CSNK2A1: variants seen among roughly 807,000 people sequenced by gnomAD.
CSNK2A1 encodes casein kinase 2 alpha 1, also known as casein kinase II subunit alpha.
Under a neutral mutation model 62.9 loss-of-function variants are expected in CSNK2A1, and 10 were observed. The ratio of observed to expected loss-of-function variants is 0.16; its 90% CI spans 0.10 to 0.27. CSNK2A1 has a LOEUF of 0.27. Among genes scored for constraint, CSNK2A1 ranks in the 10% least tolerant of loss-of-function variants. CSNK2A1 has a pLI of 1.00. For missense variants in CSNK2A1, 160 were observed against 492.0 expected (o/e 0.33, Z 6.38); for synonymous variants, 124 against 167.8 (o/e 0.74, Z 2.02).
intron 2 of CSNK2A1, among the ~76,000 whole-genome samples, chr20:513,662 GTCT>G (rs779143963): frequency 2.0e-5 from 3 of 152,176 alleles, no homozygotes; most frequent in Admixed American, 2.0e-4. Flanking sequence ...TCATCACCCA[GTCT>G]TCTTCTGCTG....
rs1454773236 is a variant in CSNK2A1, at chr20:481,375, C to G, written c.*2586G>C. ...TGTTGGCCATTCCATTTCCTGCCAT[C>G]TAAGCAATGCAGACACAGGTAGTGC... On this transcript the variant is annotated 3_prime_UTR_variant, in exon 14 of 14. Transcript: ENST00000217244. 6.6e-6 allele frequency: 1 copy of G among 152,052 alleles called. No individual in the cohort carries two copies. The highest frequency in any genetic ancestry group is 1.5e-5 in the Non-Finnish European group (1 of 68,012). 9.4% of individuals were successfully genotyped at this position (152,052 alleles called of 1,614,324 possible).
rs1313060928 is a variant in CSNK2A1 at position 483,762 on chromosome 20, C to G, written c.*199G>C. ...GGAATCCCCTGAGTTATGAAAAGTT[C>G]GAGTTAAAAAAAAAAAGAAAAAAGA... On this transcript the variant is annotated 3_prime_UTR_variant, in exon 14 of 14. Transcript: ENST00000217244. 1 of 373,802 alleles carries G rather than the reference C, an allele frequency of 2.7e-6. No homozygotes were observed. The highest frequency in any genetic ancestry group is 4.6e-6 in the Non-Finnish European group (1 of 216,578). The allele number at this position is 373,802 out of a possible 1,614,324, so 23.2% of individuals were successfully genotyped here. A position where few individuals can be genotyped will look rare whatever the true frequency, so the allele number is the denominator to read the frequency against.
chr20:521,107 A>G (rs2018936289), intron 2 of CSNK2A1, among the ~76,000 whole-genome samples: 1 of 152,246 alleles, frequency 6.6e-6, no homozygotes, highest in African/African-American at 2.4e-5. Context: ...TCAACGTTAA[A>G]ATATTTCTGC....
At chr20:543,640 C>T (rs574331030) in intron 1 of CSNK2A1, 32 bp downstream of exon 1, 54 of 397,818 alleles carry the variant, frequency 1.4e-4, no homozygotes, top group African/African-American at 1.1e-3. Flanking sequence ...ACCCCACCCG[C>T]CAACGACCTC....
chr20:528,441 T>C (rs1016950285), intron 1 of CSNK2A1, among the ~76,000 whole-genome samples: 8 of 152,186 alleles, frequency 5.3e-5, no homozygotes, highest in African/African-American at 1.9e-4. Flanking sequence ...TTGGGATTTA[T>C]CATTTTTGTG....
intron 2 of CSNK2A1, among the ~76,000 whole-genome samples, chr20:521,458 C>T (rs2018944169): frequency 6.6e-6 from 1 of 152,062 alleles, no homozygotes; most frequent in Admixed American, 6.6e-5. Flanking sequence ...TAATACATTC[C>T]TGGTAGGAAT....
chr20:497,988 A>G (rs1187641878), intron 6 of CSNK2A1: 1 of 495,200 alleles, frequency 2.0e-6, no homozygotes, highest in Non-Finnish European at 3.6e-6. Context: ...TTACTTAAAC[A>G]TATATTGCGG....
intron 4 of CSNK2A1, chr20:501,022 T>C (rs1029402085): frequency 6.6e-6 from 1 of 151,892 alleles, no homozygotes; most frequent in Admixed American, 6.6e-5. Flanking sequence ...TCCTTTTCAT[T>C]TTTTTCTGAG....
chr20:534,260 C>T (rs1056130496), intron 1 of CSNK2A1, among the ~76,000 whole-genome samples: 5 of 152,170 alleles, frequency 3.3e-5, no homozygotes, highest in Admixed American at 3.3e-4. Context: ...AAATTTAATA[C>T]TATTTCCTTA....
intron 2 of CSNK2A1, among the ~76,000 whole-genome samples, chr20:524,164 C>G (rs2019015622): frequency 6.6e-6 from 1 of 151,764 alleles, no homozygotes; most frequent in African/African-American, 2.4e-5. Flanking sequence ...CTGCTCACGC[C>G]TGTAATCCCA....
intron 1 of CSNK2A1, among the ~76,000 whole-genome samples, chr20:535,310 T>C (rs992345363): frequency 1.3e-5 from 2 of 152,348 alleles, no homozygotes; most frequent in South Asian, 2.1e-4. Flanking sequence ...AGCATTTTAT[T>C]TGACATTGAT....
At chr20:488,955 T>A in intron 10 of CSNK2A1, 177 bp from the exon 11 acceptor site, 1 of 519,254 alleles carries the variant, frequency 1.9e-6, no homozygotes, top group Non-Finnish European at 3.3e-6. Context: ...AACTACTTTA[T>A]AAACTGGTTT....
chr20:537,529 G>A (rs905757675), intron 1 of CSNK2A1, among the ~76,000 whole-genome samples: 12 of 151,806 alleles, frequency 7.9e-5, no homozygotes, highest in Admixed American at 3.9e-4. Context: ...AGCACTCAAC[G>A]TAAGAAAACT....
rs1223703624 is a variant in CSNK2A1, at chr20:474,222, GT to G, written c.*9738del. On this transcript the variant is annotated 3_prime_UTR_variant, in exon 14 of 14. Transcript: ENST00000217244. ...GTCACACACCACCACACTAGTTAAT[GT>G]TTTCATTTTTTGTAGAACAGAGGAC... The G allele has an allele frequency of 6.6e-6, 1 of 152,156 alleles. No homozygotes were observed. Among genetic ancestry groups the G allele is most frequent in the African/African-American group, 2.4e-5 (1 of 41,438 alleles). 9.4% of individuals were successfully genotyped at this position (152,156 alleles called of 1,614,324 possible).
At chr20:511,320 A>G (rs1374385273) in intron 2 of CSNK2A1, among the ~76,000 whole-genome samples, 1 of 152,120 alleles carries the variant, frequency 6.6e-6, no homozygotes, top group East Asian at 1.9e-4. Flanking sequence ...AGCCTGGGTG[A>G]CAGGAGAGAG....
chr20:477,950 G>A lies in CSNK2A1; in HGVS notation c.*6011C>T, dbSNP rs2017880991. 1 of 152,102 alleles carries A rather than the reference G, an allele frequency of 6.6e-6. No homozygotes were observed. The highest frequency in any genetic ancestry group is 2.4e-5 in the African/African-American group (1 of 41,402). The allele number at this position is 152,102 out of a possible 1,614,324, so 9.4% of individuals were successfully genotyped here. A position where few individuals can be genotyped will look rare whatever the true frequency, so the allele number is the denominator to read the frequency against. On this transcript the variant is annotated 3_prime_UTR_variant, in exon 14 of 14. Coordinates refer to ENST00000217244, the MANE Select transcript of CSNK2A1 (RefSeq NM_177559.3). ...CCCAGTTACATTCAGGATGAATTCT[G>A]CCTTCCTTTTTGCCACCTTGGGATT...
chr20:499,307 TA>T lies in CSNK2A1; in HGVS notation c.316-3del. On this transcript the variant is annotated splice_polypyrimidine_tract_variant and splice_region_variant and intron_variant, in intron 5 of 13. Transcript: ENST00000217244. This position sits in a 1 kb window ranked among gnomAD's most constrained non-coding sequence, Gnocchi z 4.2. The stretch of plus-strand genomic sequence containing the variant: ...AAAAACCAAGGCGGGGGTTCGTGAC[TA>T]GGGGAAAAGAACAAAAACAAAAACA... 6.2e-7 allele frequency: 1 copy of T among 1,609,926 alleles called. No individual in the cohort carries two copies. Among genetic ancestry groups the T allele is most frequent in the Non-Finnish European group, 8.5e-7 (1 of 1,178,110 alleles).
chr20:532,459 G>C lies in CSNK2A1; in HGVS notation c.-226-4410C>G, dbSNP rs563155945. ...CCCAAAGTGCTGGGATTACAGGTGT[G>C]AGCCACTGCTCCCAGTCTTTTTTAC... On this transcript the variant is annotated intron_variant, in intron 1 of 13. Coordinates refer to ENST00000217244, the MANE Select transcript of CSNK2A1 (RefSeq NM_177559.3). 5.9e-5 allele frequency among the ~76,000 whole-genome samples: 9 copies of C among 151,682 alleles called. No homozygotes were observed. The South Asian group carries it at 1.9e-3, about 32-fold the overall frequency.
chr20:534,191 A>C (rs542440748), intron 1 of CSNK2A1, among the ~76,000 whole-genome samples: 1 of 152,360 alleles, frequency 6.6e-6, no homozygotes, highest in South Asian at 2.1e-4. Context: ...CAACAGGATT[A>C]CTAAGTGGTG....
Sources: gnomAD v4.1 joint callset for allele counts (sites outside exome capture counted in the v4.1 genomes callset) on GRCh38, gnomAD v4.1.1 for gene constraint, Gnocchi (gnomAD v3.1) non-coding constraint, MANE v1.5 for transcripts, NCBI Gene and HGNC (gene_info 2026-07-23, HGNC 2026-07-21) for gene names.